FOXP1: variants seen among roughly 807,000 people sequenced by gnomAD.
The protein encoded by FOXP1 is forkhead box P1.
Under a neutral mutation model 98.2 loss-of-function variants are expected in FOXP1, and 15 were observed. That is an observed-to-expected ratio of 0.15 (90% CI 0.10 to 0.24). The LOEUF (loss-of-function observed/expected upper bound fraction) is 0.24. Among genes scored for constraint, FOXP1 ranks in the 10% least tolerant of loss-of-function variants. FOXP1 has a pLI of 1.00. For missense variants in FOXP1, 633 were observed against 848.5 expected, an observed-to-expected ratio of 0.75 and a Z score of 3.15; for synonymous variants, 371 against 314.5, an observed-to-expected ratio of 1.18 and a Z score of -1.90.
chr3:71,163,223 T>A (rs1478903285), intron 6 of FOXP1, among the ~76,000 whole-genome samples: 1 of 152,244 alleles, frequency 6.6e-6, no homozygotes, highest in Non-Finnish European at 1.5e-5. Context: ...GATACTTCAA[T>A]GAAAAATTGA....
intron 5 of FOXP1, among the ~76,000 whole-genome samples, chr3:71,207,464 C>T (rs1568556): frequency 0.21 from 31,972 of 152,068 alleles, 3,845 homozygotes; most frequent in East Asian, 0.36. Flanking sequence ...GCTTGCATTT[C>T]TCCGTTGTGC....
At chr3:71,317,079 A>C (rs1174812185) in intron 4 of FOXP1, among the ~76,000 whole-genome samples, 1 of 152,196 alleles carries the variant, frequency 6.6e-6, no homozygotes, top group Non-Finnish European at 1.5e-5. Context: ...TAATCAAATT[A>C]TATTTATCAT....
At chr3:70,972,100 A>T in intron 18 of FOXP1, 1 of 1,532,778 alleles carries the variant, frequency 6.5e-7, no homozygotes, top group Non-Finnish European at 8.7e-7. Flanking sequence ...ACTCTTCATC[A>T]TCAACTGTCC....
intron 6 of FOXP1, among the ~76,000 whole-genome samples, chr3:71,131,421 A>AAG (rs2059564543): frequency 1.3e-5 from 2 of 151,786 alleles, no homozygotes; most frequent in South Asian, 4.2e-4. Context: ...AAAAAAAAAA[A>AAG]AGGAGGAAGA....
intron 2 of FOXP1, among the ~76,000 whole-genome samples, chr3:71,525,335 C>T (rs1361739447): frequency 6.6e-6 from 1 of 152,162 alleles, no homozygotes; most frequent in Non-Finnish European, 1.5e-5. Flanking sequence ...TGGGCTGCTA[C>T]AAAATATGTG....
Position 71,557,034 on chromosome 3 carries a change from C to T in FOXP1, c.-298+24515G>A, listed in dbSNP as rs994217274. On this transcript the variant is annotated intron_variant, in intron 2 of 20. Transcript: ENST00000649528. ...TGATATAATGTTAAGTGAAAATGAG[C>T]AGGAAACAAAACTGTTTAAGATCAT... Among the ~76,000 whole-genome samples, 12 of 152,096 alleles carry T rather than the reference C, an allele frequency of 7.9e-5. 1 individual carries two copies. The South Asian group carries it at 1.7e-3, about 21-fold the overall frequency.
chr3:71,094,075 C>G (rs1229568868), intron 7 of FOXP1, among the ~76,000 whole-genome samples: 1 of 152,134 alleles, frequency 6.6e-6, no homozygotes, highest in Non-Finnish European at 1.5e-5. Flanking sequence ...AACTTTGAAG[C>G]CAGGGGCCAA....
chr3:71,322,781 A>T (rs2075467638), intron 4 of FOXP1, among the ~76,000 whole-genome samples: 1 of 152,156 alleles, frequency 6.6e-6, no homozygotes, highest in South Asian at 2.1e-4. Flanking sequence ...TGGAAAACAG[A>T]GATGCGGATG....
At chr3:71,118,156 C>T (rs949542917) in intron 6 of FOXP1, among the ~76,000 whole-genome samples, 1 of 152,170 alleles carries the variant, frequency 6.6e-6, no homozygotes, top group Non-Finnish European at 1.5e-5. Flanking sequence ...ATGGCCCTCT[C>T]GCTGCTGGCT....
chr3:71,066,883 TAAAC>T (rs2052585613), intron 7 of FOXP1, among the ~76,000 whole-genome samples: 1 of 152,072 alleles, frequency 6.6e-6, no homozygotes, highest in Non-Finnish European at 1.5e-5. Context: ...AAACAAACAA[TAAAC>T]AAGCAAACAA....
chr3:71,413,290 A>ACACACACACACACACC lies in FOXP1; in HGVS notation c.-167-54047_-167-54046insGGTGTGTGTGTGTGTG, dbSNP rs371166757. ...CACACACACACACACACACACACACACCCAAAACAGCCAACCAGTATGGAA... is the reference window on the plus strand; with the variant it reads ...CACACACACACACACACACACACACACACACACACACACACCCCCAAAACAGCCAACCAGTATGGAA... On this transcript the variant is annotated intron_variant, in intron 3 of 20. Coordinates refer to ENST00000649528, the MANE Select transcript of FOXP1 (RefSeq NM_001349338.3). Among the ~76,000 whole-genome samples, 150 of 138,596 alleles carry ACACACACACACACACC rather than the reference A, an allele frequency of 1.1e-3. 1 individual carries two copies. Among genetic ancestry groups the ACACACACACACACACC allele is most frequent in the African/African-American group, 2.7e-3 (101 of 36,948 alleles). The allele number at this position is 138,596 out of a possible 152,430, so 90.9% of individuals were successfully genotyped here.
At chr3:71,273,897 T>A (rs533027434) in intron 5 of FOXP1, among the ~76,000 whole-genome samples, 1 of 152,294 alleles carries the variant, frequency 6.6e-6, no homozygotes, top group African/African-American at 2.4e-5. Context: ...TGAGGCTAGA[T>A]AAATACAACT....
At chr3:71,294,168 A>G (rs1338876279) in intron 5 of FOXP1, among the ~76,000 whole-genome samples, 1 of 152,206 alleles carries the variant, frequency 6.6e-6, no homozygotes, top group Non-Finnish European at 1.5e-5. Context: ...TTAAGCGATG[A>G]AATATTCTAA....
intron 5 of FOXP1, among the ~76,000 whole-genome samples, chr3:71,281,973 T>C (rs973870512): frequency 8.0e-5 from 12 of 149,488 alleles, no homozygotes; most frequent in Non-Finnish European, 1.3e-4. Context: ...CCAAGTGTGG[T>C]GGTGGGCACC....
intron 19 of FOXP1, chr3:70,968,850 G>A (rs1048254151): frequency 3.9e-5 from 6 of 152,186 alleles, no homozygotes; most frequent in African/African-American, 9.6e-5. Context: ...GTAGAAAGTT[G>A]TCTTATGTGT....
chr3:71,420,332 A>C (rs1178743772), intron 3 of FOXP1, among the ~76,000 whole-genome samples: 6 of 152,192 alleles, frequency 3.9e-5, no homozygotes, highest in Admixed American at 3.3e-4. Context: ...ACAAAGAGTG[A>C]CATGGAAGGT....
intron 6 of FOXP1, among the ~76,000 whole-genome samples, chr3:71,165,672 G>T (rs2061365937): frequency 1.3e-5 from 2 of 152,040 alleles, no homozygotes; most frequent in South Asian, 4.1e-4. Context: ...CTAGGAGGGG[G>T]ACAGGTGTCG....
intron 19 of FOXP1, 122 bp downstream of exon 19, chr3:70,970,614 T>C (rs1250898208): frequency 2.3e-6 from 2 of 879,752 alleles, no homozygotes; most frequent in Non-Finnish European, 3.9e-6. Context: ...CTTTGTGCAC[T>C]TAAGAAAAAA....
intron 4 of FOXP1, among the ~76,000 whole-genome samples, chr3:71,331,160 T>C (rs1371466778): frequency 2.6e-5 from 4 of 152,178 alleles, no homozygotes; most frequent in Admixed American, 6.5e-5. Context: ...GAACTGGGGC[T>C]GCGCAGGGTG....
Sources: gnomAD v4.1 joint callset for allele counts (sites outside exome capture counted in the v4.1 genomes callset) on GRCh38, gnomAD v4.1.1 for gene constraint, MANE v1.5 for transcripts, NCBI Gene and HGNC (gene_info 2026-07-23, HGNC 2026-07-21) for gene names.